GIMD1: variants seen among roughly 807,000 people sequenced by gnomAD.
The protein encoded by GIMD1 is GTPase IMAP family member GIMD1.
In GIMD1, 14 loss-of-function variants were observed where a neutral mutation model predicts 14.9. The observed-to-expected ratio is 0.94, with a 90% CI of 0.62 to 1.47. GIMD1 has a LOEUF of 1.47. Among genes scored for constraint, GIMD1 ranks in the 40% most tolerant of loss-of-function variants. The pLI is 0.00. For synonymous variants in GIMD1, 91 were observed against 90.5 expected (o/e 1.01, Z -0.03); for missense variants, 272 against 255.3 (o/e 1.07, Z -0.44).
intron 2 of GIMD1, among the ~76,000 whole-genome samples, chr4:106,361,065 A>G (rs904517101): frequency 3.9e-5 from 6 of 152,076 alleles, no homozygotes; most frequent in African/African-American, 7.2e-5. Context: ...AGGCTTTCTA[A>G]AAATGCATCA....
intron 2 of GIMD1, among the ~76,000 whole-genome samples, chr4:106,364,173 G>A (rs901564199): frequency 2.0e-5 from 3 of 151,976 alleles, no homozygotes; most frequent in South Asian, 2.1e-4. Context: ...TGTTTCCATC[G>A]TCACAGCCAG....
At chr4:106,365,924 CAT>C (rs746992522) in intron 2 of GIMD1, among the ~76,000 whole-genome samples, 41 of 144,060 alleles carry the variant, frequency 2.8e-4, no homozygotes, top group Non-Finnish European at 4.4e-4. Flanking sequence ...CACACACACA[CAT>C]GTACACACAC....
At chr4:106,367,576 G>A in intron 1 of GIMD1, 139 bp from the exon 2 acceptor site, 1 of 749,000 alleles carries the variant, frequency 1.3e-6, no homozygotes, top group Non-Finnish European at 2.1e-6. Context: ...AAAGCATGGA[G>A]GAGGACTGCT....
chr4:106,368,536 C>T lies in GIMD1; in HGVS notation c.-3+174G>A, dbSNP rs144797715. On this transcript the variant is annotated intron_variant, in intron 1 of 2. Transcript: ENST00000638719. ...ACACCTTGAAGGAGCTTCATACCTC[C>T]ATAAAAAGACACTCATTTTGCGGGT... Among the ~76,000 whole-genome samples, 5 of 152,292 alleles carry T rather than the reference C, an allele frequency of 3.3e-5. No individual in the cohort carries two copies. The East Asian group carries it at 9.7e-4, about 29-fold the overall frequency.
At chr4:106,363,250 C>A (rs1770640715) in intron 2 of GIMD1, among the ~76,000 whole-genome samples, 1 of 152,054 alleles carries the variant, frequency 6.6e-6, no homozygotes, top group South Asian at 2.1e-4. Context: ...TGTGCCTAAG[C>A]TATATCATTT....
At chr4:106,366,952 TA>T in intron 2 of GIMD1, 90 bp downstream of exon 2, 1 of 349,032 alleles carries the variant, frequency 2.9e-6, no homozygotes, top group Non-Finnish European at 4.6e-6. Context: ...AGTATAATAA[TA>T]ATAATATTAT....
rs562093859 is a variant in GIMD1 at position 106,357,985 on chromosome 4, G to A, written c.*198C>T. The A allele has an allele frequency of 3.0e-4, 146 of 479,632 alleles. 1 individual carries two copies. The highest frequency in any genetic ancestry group is 1.4e-3 in the East Asian group (39 of 27,534). 29.7% of individuals were successfully genotyped at this position (479,632 alleles called of 1,614,324 possible). ...ATACACTTAGGAGTGTAATTGCTAT[G>A]TCATGGGATTTGCATTAGAAATCTT... On this transcript the variant is annotated 3_prime_UTR_variant, in exon 3 of 3. Coordinates refer to ENST00000638719, the MANE Select transcript of GIMD1 (RefSeq NM_001195138.2).
chr4:106,366,153 A>G (rs1770696318), intron 2 of GIMD1, among the ~76,000 whole-genome samples: 1 of 152,106 alleles, frequency 6.6e-6, no homozygotes, highest in African/African-American at 2.4e-5. Flanking sequence ...TGAGGTCCCT[A>G]TGGTCTTCTT....
intron 2 of GIMD1, among the ~76,000 whole-genome samples, chr4:106,360,556 G>T (rs1047507084): frequency 6.6e-6 from 1 of 151,864 alleles, no homozygotes; most frequent in East Asian, 1.9e-4. Context: ...GTGATGTTAT[G>T]GGTTGAATTG....
intron 1 of GIMD1, 144 bp from the exon 2 acceptor site, chr4:106,367,581 A>T: frequency 1.4e-6 from 1 of 706,440 alleles, no homozygotes; most frequent in South Asian, 2.1e-5. Flanking sequence ...ATGGAGGAGG[A>T]CTGCTCCACT....
chr4:106,363,425 T>G (rs936014966), intron 2 of GIMD1, among the ~76,000 whole-genome samples: 1 of 152,156 alleles, frequency 6.6e-6, no homozygotes, highest in Non-Finnish European at 1.5e-5. Context: ...CTCTATGCTA[T>G]CTTGCCCATA....
At chr4:106,364,755 T>G (rs2949651) in intron 2 of GIMD1, among the ~76,000 whole-genome samples, 8,995 of 152,178 alleles carry the variant, frequency 0.059, 511 homozygotes, top group East Asian at 0.27. Flanking sequence ...CTTGCTGCCT[T>G]CAGTTCCTGA....
At chr4:106,366,689 C>G (rs918073584) in intron 2 of GIMD1, among the ~76,000 whole-genome samples, 2 of 152,114 alleles carry the variant, frequency 1.3e-5, no homozygotes, top group African/African-American at 2.4e-5. Context: ...GATTCTGATG[C>G]AGACAGTCCA....
intron 2 of GIMD1, among the ~76,000 whole-genome samples, chr4:106,362,457 A>T (rs73839460): frequency 0.011 from 1,675 of 152,250 alleles, 30 homozygotes; most frequent in African/African-American, 0.038. Context: ...ACTAAGCTAG[A>T]TGAAAATTTT....
rs12645490 is a variant in GIMD1, at chr4:106,358,325, T to A, written c.512A>T (p.Lys171Ile). 267,740 of 1,528,926 alleles carry A rather than the reference T, an allele frequency of 0.18. 24,501 individuals carry two copies. Among genetic ancestry groups the A allele is most frequent in the South Asian group, 0.25 (20,530 of 83,696 alleles). 94.7% of individuals were successfully genotyped at this position (1,528,926 alleles called of 1,614,324 possible). Residue 171 changes from lysine to isoleucine, a missense_variant, in exon 3 of 3, where the codon AAA (lysine) becomes ATA (isoleucine). Lys to Ile is a moderately radical substitution (Grantham distance 102). Transcript: ENST00000638719. Reference protein sequence around the residue: ...KYLHEASDTLKTLLNSIQHKY... With the variant: ...KYLHEASDTLITLLNSIQHKY... The stretch of plus-strand genomic sequence containing the variant: ...GTGCTGAATAGAATTTAGCAGCGTT[T>A]TCAGGGTATCAGAGGCCTCATGTAA...
chr4:106,361,899 C>A (rs1033159569), intron 2 of GIMD1, among the ~76,000 whole-genome samples: 17 of 152,168 alleles, frequency 1.1e-4, no homozygotes, highest in Admixed American at 5.9e-4. Context: ...TATCGTAACA[C>A]AGAATTATTT....
At position 106,358,034 on chromosome 4, in the gene GIMD1, T is replaced by C. The variant is rs1452621479; in HGVS notation, c.*149A>G. 3 of 553,290 alleles carry C rather than the reference T, an allele frequency of 5.4e-6. No homozygotes were observed. Among genetic ancestry groups the C allele is most frequent in the Non-Finnish European group, 9.3e-6 (3 of 321,566 alleles). The allele number at this position is 553,290 out of a possible 1,614,324, so 34.3% of individuals were successfully genotyped here. On this transcript the variant is annotated 3_prime_UTR_variant, in exon 3 of 3. Transcript: ENST00000638719. ...TTGAATCATTGATGTTCTTTTTAAC[T>C]TCTAGTTTTCCAAAGTGGTTATACC...
chr4:106,365,836 G>C (rs889881461), intron 2 of GIMD1, among the ~76,000 whole-genome samples: 3 of 140,664 alleles, frequency 2.1e-5, no homozygotes, highest in African/African-American at 7.4e-5. Context: ...GTCTATACAG[G>C]GCTGTGTGGA....
intron 2 of GIMD1, among the ~76,000 whole-genome samples, chr4:106,361,513 G>A (rs1770612792): frequency 6.6e-6 from 1 of 151,952 alleles, no homozygotes; most frequent in African/African-American, 2.4e-5. Flanking sequence ...ACAGCATTGA[G>A]ATTTTATTTC....
Sources: gnomAD v4.1 joint callset for allele counts (sites outside exome capture counted in the v4.1 genomes callset) on GRCh38, gnomAD v4.1.1 for gene constraint, MANE v1.5 for transcripts, NCBI Gene and HGNC (gene_info 2026-07-23, HGNC 2026-07-21) for gene names.